Variants in EXOC1 observed in about 807,000 individuals in gnomAD.
EXOC1 encodes SEC3-like 1.
A neutral mutation model predicts 107.7 loss-of-function variants in EXOC1; 67 were observed. That is an observed-to-expected ratio of 0.62 (90% confidence interval 0.51 to 0.76). The LOEUF is 0.76. EXOC1 is among the 30% of genes least tolerant of loss of function. EXOC1 has a pLI of 0.00. For synonymous variants in EXOC1, 348 were observed against 353.5 expected, an observed-to-expected ratio of 0.98 and a Z score of 0.17; for missense variants, 833 against 1,055.7, an observed-to-expected ratio of 0.79 and a Z score of 2.92.
At chr4:55,899,373 T>G (rs1445450362) in intron 16 of EXOC1, among the ~76,000 whole-genome samples, 1 of 152,160 alleles carries the variant, frequency 6.6e-6, no homozygotes, top group Non-Finnish European at 1.5e-5. Flanking sequence ...AAGTAGGAAC[T>G]TAAATTTCAT....
rs114542553 is a variant in EXOC1 at position 55,893,418 on chromosome 4, C to T, written c.1725-134C>T. The stretch of plus-strand genomic sequence containing the variant: ...TACAGGCGTGAGCCACCACGCCTGG[C>T]TATTTAGACATTTTTAATTGAAATT... On this transcript the variant is annotated intron_variant, in intron 14 of 18. Transcript: ENST00000381295. 1,778 of 823,820 alleles carry T rather than the reference C, an allele frequency of 2.2e-3. 28 individuals carry two copies. In the African/African-American group the frequency reaches 0.027, roughly 12 times the overall value. The allele number at this position is 823,820 out of a possible 1,614,324, so 51.0% of individuals were successfully genotyped here. A position where few individuals can be genotyped will look rare whatever the true frequency, so the allele number is the denominator to read the frequency against.
chr4:55,898,867 T>C (rs1020796855), intron 16 of EXOC1, among the ~76,000 whole-genome samples: 2 of 152,198 alleles, frequency 1.3e-5, no homozygotes, highest in African/African-American at 4.8e-5. Context: ...ATTTAGGATT[T>C]TTTTAGTTTA....
intron 16 of EXOC1, among the ~76,000 whole-genome samples, chr4:55,897,689 C>T (rs1250478815): frequency 4.6e-5 from 7 of 152,154 alleles, no homozygotes; most frequent in South Asian, 2.1e-4. Flanking sequence ...AATCTCGGCT[C>T]GCTGCAACCT....
At chr4:55,871,826 C>A in intron 7 of EXOC1, 23 bp from the exon 8 acceptor site, 2 of 1,604,386 alleles carry the variant, frequency 1.2e-6, no homozygotes, top group Admixed American at 1.7e-5. Flanking sequence ...TTAAACTGGT[C>A]ACAAAATGTC....
intron 10 of EXOC1, among the ~76,000 whole-genome samples, chr4:55,887,616 G>C (rs56026480): frequency 0.052 from 7,959 of 151,840 alleles, 310 homozygotes; most frequent in Non-Finnish European, 0.081. Flanking sequence ...AACTAGTCAG[G>C]CATGGTGATC....
chr4:55,904,289 T>C, intron 18 of EXOC1, 54 bp from the exon 19 acceptor site: 1 of 1,507,828 alleles, frequency 6.6e-7, no homozygotes, highest in Non-Finnish European at 8.9e-7. Flanking sequence ...TTCTGCATAC[T>C]AGATTACATA....
Position 55,905,028 on chromosome 4 carries a change from A to G in EXOC1, c.*533A>G, listed in dbSNP as rs1334249947. The stretch of plus-strand genomic sequence containing the variant: ...TTTTCAAAAAAGTTGACATTTGATA[A>G]TATTTTTAGGTCTATCATATGCTGT... On this transcript the variant is annotated 3_prime_UTR_variant, in exon 19 of 19. Coordinates refer to ENST00000381295, the MANE Select transcript of EXOC1 (RefSeq NM_001024924.2). 2.0e-5 allele frequency: 3 copies of G among 152,276 alleles called. No homozygotes were observed. The highest frequency in any genetic ancestry group is 4.4e-5 in the Non-Finnish European group (3 of 68,082). 9.4% of individuals were successfully genotyped at this position (152,276 alleles called of 1,614,324 possible).
intron 14 of EXOC1, 149 bp downstream of exon 14, chr4:55,892,860 A>T (rs932780999): frequency 3.0e-6 from 2 of 672,662 alleles, no homozygotes; most frequent in Non-Finnish European, 5.0e-6. Context: ...CAAACGTTTT[A>T]CTGATTTAAA....
Position 55,858,390 on chromosome 4 carries a change from A to G in EXOC1, c.67A>G (p.Ile23Val). 6.2e-7 allele frequency: 1 copy of G among 1,611,250 alleles called. No individual in the cohort carries two copies. The highest frequency in any genetic ancestry group is 1.1e-5 in the South Asian group (1 of 90,148). ...ACCAAATGATGAACGCCTGCTGAGC[A>G]TTGTGAATGTCTGCAAAGCAGGAAA... ...FTPNDERLLS[I>V]VNVCKAGKKK... The change falls in exon 2 of 19, where the codon ATT becomes GTT. Residue 23 changes from isoleucine (I) to valine (V), a missense_variant. Ile to Val is a conservative substitution (Grantham distance 29). Around this residue, in one of 2 missense-constraint regions of EXOC1, gnomAD observed 617 missense variants for 701.3 expected, o/e 0.88. Transcript: ENST00000381295.
intron 5 of EXOC1, among the ~76,000 whole-genome samples, 181 bp from the exon 6 acceptor site, chr4:55,870,497 A>G (rs1722326917): frequency 6.6e-6 from 1 of 152,254 alleles, no homozygotes; most frequent in Admixed American, 6.5e-5. Context: ...ACTGTGTAAA[A>G]CATGGAAGAA....
chr4:55,888,089 C>G (rs1030456393), intron 10 of EXOC1, among the ~76,000 whole-genome samples: 9 of 152,254 alleles, frequency 5.9e-5, no homozygotes, highest in African/African-American at 2.2e-4. Context: ...ATCCTATGAT[C>G]TTTCTTCACC....
At chr4:55,868,283 A>G (rs547702477) in intron 4 of EXOC1, 53 bp from the exon 5 acceptor site, 1 of 1,495,808 alleles carries the variant, frequency 6.7e-7, no homozygotes. Context: ...GTATTATGTT[A>G]TAGTCTTTTC....
chr4:55,875,635 A>C, intron 8 of EXOC1: 9 of 985,386 alleles, frequency 9.1e-6, no homozygotes, highest in Non-Finnish European at 1.1e-5. Context: ...TTGAGTCTTG[A>C]ATCATTGAGA....
chr4:55,864,265 T>G lies in EXOC1; in HGVS notation c.294T>G (p.Tyr98Ter). 1 of 1,598,018 alleles carries G rather than the reference T, an allele frequency of 6.3e-7. No individual in the cohort carries two copies. The change falls in exon 4 of 19, where the codon TAT becomes TAG. Residue 98 changes from tyrosine to a stop codon, truncating the protein, a stop_gained. Coordinates refer to ENST00000381295, the MANE Select transcript of EXOC1 (RefSeq NM_001024924.2). LOFTEE classifies it high-confidence loss of function. ...TTGATTTACACTTTGAAAAAATATATAAATGGGTTGCCAGCAGCACTGCTG... is the reference window on the plus strand; with the variant it reads ...TTGATTTACACTTTGAAAAAATATAGAAATGGGTTGCCAGCAGCACTGCTG... ...PEFDLHFEKIYKWVASSTAEK... is the reference protein window; with the variant it reads ...PEFDLHFEKI
chr4:55,856,418 G>A (rs1720976018), intron 1 of EXOC1, among the ~76,000 whole-genome samples: 1 of 152,226 alleles, frequency 6.6e-6, no homozygotes, highest in African/African-American at 2.4e-5. Flanking sequence ...ACTAGAGGCT[G>A]AGATGAAGTG....
chr4:55,868,217 A>G (rs973879055), intron 4 of EXOC1, 119 bp from the exon 5 acceptor site: 9 of 624,258 alleles, frequency 1.4e-5, no homozygotes, highest in African/African-American at 5.7e-5. Context: ...GAATCATTCT[A>G]TCCTCTTTTT....
chr4:55,895,737 A>C (rs1051940179), intron 15 of EXOC1, among the ~76,000 whole-genome samples: 3 of 152,212 alleles, frequency 2.0e-5, no homozygotes, highest in African/African-American at 7.2e-5. Flanking sequence ...TTTGAACCTA[A>C]GATTCTGTCT....
chr4:55,883,015 T>C (rs1428248207), intron 9 of EXOC1: 1 of 152,130 alleles, frequency 6.6e-6, no homozygotes, highest in Non-Finnish European at 1.5e-5. Context: ...TTTTATGTGA[T>C]AATAAGTAGA....
rs534167722 is a variant in EXOC1 at position 55,892,536 on chromosome 4, C to A, written c.1648-99C>A. The A allele has an allele frequency of 7.2e-4, 645 of 901,012 alleles. 4 individuals carry two copies. Among genetic ancestry groups the A allele is most frequent in the Non-Finnish European group, 7.4e-5 (41 of 557,136 alleles). 55.8% of individuals were successfully genotyped at this position (901,012 alleles called of 1,614,324 possible). Reference sequence around the variant, plus strand: ...TTAAAAATATTTTTCATAATGTATTCTTTCCTAGGAATTTTAAGACTGAGC... The same window carrying A: ...TTAAAAATATTTTTCATAATGTATTATTTCCTAGGAATTTTAAGACTGAGC... On this transcript the variant is annotated intron_variant, in intron 13 of 18. Transcript: ENST00000381295.
Sources: gnomAD v4.1 joint callset for allele counts (sites outside exome capture counted in the v4.1 genomes callset) on GRCh38, gnomAD v4.1.1 for gene constraint, gnomAD v4.1.1 regional missense constraint, MANE v1.5 for transcripts, NCBI Gene and HGNC (gene_info 2026-07-23, HGNC 2026-07-21) for gene names.